Variants in TARDBP observed in about 807,000 individuals in gnomAD.
TARDBP encodes the protein TAR DNA binding protein, also known as TAR DNA-binding protein 43.
A neutral mutation model predicts 38.3 loss-of-function variants in TARDBP; 4 were observed. The observed-to-expected ratio is 0.10, with a 90% CI of 0.05 to 0.24. The LOEUF is 0.24. Ranked by LOEUF, TARDBP falls within the 10% of genes least tolerant of loss-of-function variation. TARDBP has a pLI of 1.00. For synonymous variants in TARDBP, 184 were observed against 183.8 expected, an observed-to-expected ratio of 1.00 and a Z score of -0.01; for missense variants, 202 against 521.9, an observed-to-expected ratio of 0.39 and a Z score of 5.97.
intron 1 of TARDBP, among the ~76,000 whole-genome samples, chr1:11,013,218 C>G (rs1053483763): frequency 6.6e-6 from 1 of 152,352 alleles, no homozygotes; most frequent in Non-Finnish European, 1.5e-5. Flanking sequence ...CAGAGGGAAA[C>G]TTTTCTCCTG....
In TARDBP at chr1:11,023,925, C is replaced by G. The variant is rs1376151834; in HGVS notation, c.*1271C>G. Reference sequence around the variant, plus strand: ...GGTGTCTCAAAGAAGGGTGGAAGTTCTAATGTCTGTTAGCTACCCATAAGA... The same window carrying G: ...GGTGTCTCAAAGAAGGGTGGAAGTTGTAATGTCTGTTAGCTACCCATAAGA... On this transcript the variant is annotated 3_prime_UTR_variant, in exon 6 of 6. Transcript: ENST00000240185. The G allele has an allele frequency of 6.6e-6, 1 of 152,640 alleles. No individual in the cohort carries two copies. The highest frequency in any genetic ancestry group is 1.5e-5 in the Non-Finnish European group (1 of 68,068). 9.5% of individuals were successfully genotyped at this position (152,640 alleles called of 1,614,324 possible).
At chr1:11,014,251 ATTG>A (rs1643471432) in intron 2 of TARDBP, among the ~76,000 whole-genome samples, 1 of 152,198 alleles carries the variant, frequency 6.6e-6, no homozygotes, top group African/African-American at 2.4e-5. Context: ...TACATAAATC[ATTG>A]TTGTAAATAG....
intron 3 of TARDBP, among the ~76,000 whole-genome samples, chr1:11,017,774 G>A (rs1643556956): frequency 6.6e-6 from 1 of 152,128 alleles, no homozygotes; most frequent in South Asian, 2.1e-4. Context: ...AAATCCTGTT[G>A]TGGTGGCTCA....
chr1:11,014,975 C>CG (rs1217246464), intron 2 of TARDBP, among the ~76,000 whole-genome samples: 1 of 151,422 alleles, frequency 6.6e-6, no homozygotes, highest in African/African-American at 2.4e-5. Flanking sequence ...GGCGTGGTGG[C>CG]GGGGGCCTGT....
At chr1:11,030,209 T>C (rs374270793), downstream of TARDBP, 5 of 1,613,536 alleles carry the variant, frequency 3.1e-6, no homozygotes, top group African/African-American at 6.7e-5. Context: ...TTTTCTCCTT[T>C]GGAGCTCGTC....
At chr1:11,019,050 T>C (rs1643583883) in intron 4 of TARDBP, 177 bp downstream of exon 4, 11 of 781,328 alleles carry the variant, frequency 1.4e-5, no homozygotes, top group Admixed American at 1.1e-4. Flanking sequence ...GTTTGAAATA[T>C]TTAGTTTATT....
chr1:11,017,284 A>T (rs1228028471), intron 3 of TARDBP, among the ~76,000 whole-genome samples: 1 of 148,388 alleles, frequency 6.7e-6, no homozygotes, highest in Non-Finnish European at 1.5e-5. Flanking sequence ...GCTCACTGCA[A>T]CCTCCACCTC....
Position 11,022,714 on chromosome 1 carries a change from T to C in TARDBP, c.*60T>C, listed in dbSNP as rs1643665722. ...GGGAATTCAAATTTTTCTAAACTCA[T>C]GGTAAGTATATTGTAAAATACATAT... On this transcript the variant is annotated 3_prime_UTR_variant, in exon 6 of 6. Transcript: ENST00000240185. The surrounding 1 kb of genome is among the most constrained non-coding windows in gnomAD (Gnocchi z 4.5). The C allele has an allele frequency of 1.9e-6, 3 of 1,578,136 alleles. No homozygotes were observed. The highest frequency in any genetic ancestry group is 1.9e-5 in the Admixed American group (1 of 53,370).
rs1553159954 is a variant in TARDBP, at chr1:11,024,387, G to T, written c.*1733G>T. 1 of 152,456 alleles carries T rather than the reference G, an allele frequency of 6.6e-6. No homozygotes were observed. Among genetic ancestry groups the T allele is most frequent in the Non-Finnish European group, 1.5e-5 (1 of 68,020 alleles). The allele number at this position is 152,456 out of a possible 1,614,324, so 9.4% of individuals were successfully genotyped here. ...TAGTGCCTCTGTGCATTTGGGTGAT[G>T]TTCTATTTACATGGCCTGTGTAAAT... On this transcript the variant is annotated 3_prime_UTR_variant, in exon 6 of 6. Transcript: ENST00000240185.
chr1:11,018,042 C>T (rs954555925), intron 3 of TARDBP, among the ~76,000 whole-genome samples: 1 of 150,150 alleles, frequency 6.7e-6, no homozygotes, highest in Admixed American at 6.7e-5. Flanking sequence ...GCCACCACGC[C>T]TGGCTAATTT....
rs992739427 is a variant in TARDBP, at chr1:11,022,064, A to C, written c.715-60A>C. On this transcript the variant is annotated intron_variant, in intron 5 of 5. Transcript: ENST00000240185. This position sits in a 1 kb window ranked among gnomAD's most constrained non-coding sequence, Gnocchi z 4.5. ...TGCTTGTAATCTAAGTTTTGTTGCT[A>C]CTTTAAATATATGAATCAGTGGTTT... is the stretch of plus-strand genomic sequence containing the variant. 16 of 1,593,210 alleles carry C rather than the reference A, an allele frequency of 1.0e-5. No homozygotes were observed. Among genetic ancestry groups the C allele is most frequent in the Non-Finnish European group, 1.4e-5 (16 of 1,162,146 alleles).
chr1:11,013,595 T>C (rs1643458220), intron 1 of TARDBP, 121 bp from the exon 2 acceptor site: 6 of 817,602 alleles, frequency 7.3e-6, no homozygotes, highest in Non-Finnish European at 1.0e-5. Flanking sequence ...CCAATGCATA[T>C]ACGAATCCAG....
At position 11,022,047 on chromosome 1, in the gene TARDBP, A is replaced by C; in HGVS notation, c.715-77A>C. 1 of 1,548,264 alleles carries C rather than the reference A, an allele frequency of 6.5e-7. No individual in the cohort carries two copies. The highest frequency in any genetic ancestry group is 8.9e-7 in the Non-Finnish European group (1 of 1,123,452). ...GGCTTTAGATAAATTAATGCTTGTA[A>C]TCTAAGTTTTGTTGCTACTTTAAAT... On this transcript the variant is annotated intron_variant, in intron 5 of 5. Transcript: ENST00000240185. The surrounding 1 kb of genome is among the most constrained non-coding windows in gnomAD (Gnocchi z 4.5).
chr1:11,012,938 G>T (rs1643437823), intron 1 of TARDBP, among the ~76,000 whole-genome samples, 195 bp downstream of exon 1: 1 of 152,166 alleles, frequency 6.6e-6, no homozygotes, highest in South Asian at 2.1e-4. Flanking sequence ...GCGCCGAAAC[G>T]GGGGGCCGGG....
rs1643510448 is a variant in TARDBP, at chr1:11,015,775, A to AGT, written c.239-1069_239-1068insGT. 4 of 145,438 alleles carry AGT rather than the reference A, an allele frequency of 2.8e-5. 1 individual carries two copies. The highest frequency in any genetic ancestry group is 5.1e-5 in the African/African-American group (2 of 39,068). The allele number at this position is 145,438 out of a possible 1,614,324, so 9.0% of individuals were successfully genotyped here. On this transcript the variant is annotated intron_variant, in intron 2 of 5. Coordinates refer to ENST00000240185, the MANE Select transcript of TARDBP (RefSeq NM_007375.4). ...TTTGTTTGTTTTTTGAGACAGTCTC[A>AGT]CTCTGTCGCCCAGGCTGGAGTGCAG...
chr1:11,027,130 G>T (rs1643749049), downstream of TARDBP: 5 of 1,612,864 alleles, frequency 3.1e-6, no homozygotes, highest in Non-Finnish European at 3.4e-6. Context: ...CTTGGATAGG[G>T]TGGCTTTTCA....
chr1:11,030,403 G>A, downstream of TARDBP: 1 of 613,710 alleles, frequency 1.6e-6, no homozygotes, highest in East Asian at 2.8e-5. Flanking sequence ...TAAATAGGAG[G>A]TCTCTGCATT....
At chr1:11,028,021 A>G (rs1404267657), downstream of TARDBP, among the ~76,000 whole-genome samples, 1 of 152,188 alleles carries the variant, frequency 6.6e-6, no homozygotes, top group East Asian at 1.9e-4. Context: ...CAGGAGTTTG[A>G]GACCAGCCTG....
At chr1:11,016,066 T>G (rs1643517961) in intron 2 of TARDBP, 1 of 152,286 alleles carries the variant, frequency 6.6e-6, no homozygotes, top group Admixed American at 6.5e-5. Context: ...GCCTCCCAAG[T>G]AGCTGGGATT....
Sources: gnomAD v4.1 joint callset for allele counts (sites outside exome capture counted in the v4.1 genomes callset) on GRCh38, gnomAD v4.1.1 for gene constraint, Gnocchi (gnomAD v3.1) non-coding constraint, MANE v1.5 for transcripts, NCBI Gene and HGNC (gene_info 2026-07-23, HGNC 2026-07-21) for gene names.